The following FSTL5 variants were observed in gnomAD, a reference collection of about 807,000 sequenced individuals.
The protein encoded by FSTL5 is follistatin-related protein 5.
A neutral mutation model predicts 89.1 loss-of-function variants in FSTL5; 62 were observed. That is an observed-to-expected ratio of 0.70 (90% CI 0.57 to 0.86). FSTL5 has a LOEUF of 0.86. FSTL5 is among the 40% of genes least tolerant of loss of function. The pLI is 0.00. For synonymous variants in FSTL5, 383 were observed against 346.2 expected (o/e 1.11, Z -1.18); for missense variants, 1,057 against 1,001.6 (o/e 1.06, Z -0.75).
intron 6 of FSTL5, 92 bp from the exon 7 acceptor site, chr4:161,656,586 T>C: frequency 1.5e-6 from 1 of 682,444 alleles, no homozygotes; most frequent in East Asian, 3.2e-5. Flanking sequence ...TTAAGGCTTT[T>C]AATTTGAATA....
At position 161,386,156 on chromosome 4, in the gene FSTL5, A is replaced by G; in HGVS notation, c.2135T>C (p.Val712Ala). 2 of 1,614,018 alleles carry G rather than the reference A, an allele frequency of 1.2e-6. No individual in the cohort carries two copies. Among genetic ancestry groups the G allele is most frequent in the Non-Finnish European group, 1.7e-6 (2 of 1,179,984 alleles). The change falls in exon 16 of 16, where the codon GTG becomes GCG. Residue 712 changes from valine to alanine, a missense_variant. Val to Ala is a moderately conservative substitution (Grantham distance 64). Around this residue, in one of 3 missense-constraint regions of FSTL5, gnomAD observed 980 missense variants for 903.2 expected, o/e 1.08. Coordinates refer to ENST00000306100, the MANE Select transcript of FSTL5 (RefSeq NM_020116.5). ...GTACTGAACCCTTACAAGACCTTTC[A>G]CATCATTAATGCTGACAAGGTAGTG... ...DGHYLVSIND[V>A]KGLVRVQYIT...
chr4:161,736,054 A>G (rs982038216), intron 6 of FSTL5, among the ~76,000 whole-genome samples: 1 of 152,146 alleles, frequency 6.6e-6, no homozygotes, highest in Non-Finnish European at 1.5e-5. Context: ...AATTTCTGCA[A>G]TTGTTAAAGT....
chr4:161,848,280 C>A (rs1262578001), intron 4 of FSTL5, among the ~76,000 whole-genome samples: 2 of 151,908 alleles, frequency 1.3e-5, no homozygotes, highest in African/African-American at 4.8e-5. Context: ...GGATCATCAG[C>A]CTTATAACTT....
In FSTL5 at chr4:162,044,455, GCA is replaced by G. The variant is rs1451790216; in HGVS notation, c.127-10799_127-10798del. On this transcript the variant is annotated intron_variant, in intron 2 of 15. Transcript: ENST00000306100. Reference sequence around the variant, plus strand: ...CAGGCTTTCTTCTTTCGTTTATAGAGCACAGAGTGATTTAGCATAATTCTTAA... The same window carrying G: ...CAGGCTTTCTTCTTTCGTTTATAGAGCAGAGTGATTTAGCATAATTCTTAA... 3.3e-5 allele frequency among the ~76,000 whole-genome samples: 5 copies of G among 152,156 alleles called. No individual in the cohort carries two copies. The East Asian group carries it at 9.6e-4, about 29-fold the overall frequency.
chr4:161,488,237 A>G (rs1729746959), intron 12 of FSTL5, among the ~76,000 whole-genome samples: 1 of 152,134 alleles, frequency 6.6e-6, no homozygotes, highest in African/African-American at 2.4e-5. Flanking sequence ...GATTTCATTT[A>G]TAAATATCAT....
chr4:161,391,464 CTTCCATTATGTTATAGCTGACACAGTA>C (rs1270773660), intron 15 of FSTL5, among the ~76,000 whole-genome samples: 1 of 152,166 alleles, frequency 6.6e-6, no homozygotes, highest in Non-Finnish European at 1.5e-5. Flanking sequence ...TCAATGACAT[CTTCCATTATGTTATAGCTGACACAGTA>C]TTTTCATGGA....
intron 4 of FSTL5, among the ~76,000 whole-genome samples, chr4:161,861,030 T>TTTACATATC (rs1300164459): frequency 6.6e-6 from 1 of 152,188 alleles, no homozygotes; most frequent in Non-Finnish European, 1.5e-5. Flanking sequence ...TAAAACATAA[T>TTTACATATC]TTACATATCT....
intron 3 of FSTL5, among the ~76,000 whole-genome samples, chr4:162,028,471 C>G (rs762973707): frequency 1.3e-5 from 2 of 152,022 alleles, no homozygotes; most frequent in Non-Finnish European, 2.9e-5. Flanking sequence ...CAGCTACTCA[C>G]AAGACTGAGG....
Position 161,920,479 on chromosome 4 carries a change from A to G in FSTL5, c.334T>C (p.Cys112Arg), listed in dbSNP as rs1195621155. The change falls in exon 4 of 16, where the codon TGT becomes CGT. Residue 112 changes from cysteine (C) to arginine (R), a missense_variant. Around this residue, in one of 3 missense-constraint regions of FSTL5, gnomAD observed 980 missense variants for 903.2 expected, o/e 1.08. Transcript: ENST00000306100. Reference sequence around the variant, plus strand: ...AGGCAAGCAGCTCTGTGCACTTCACAGTGGTTTTCATAGAATTCTCCGTCA... The same window carrying G: ...AGGCAAGCAGCTCTGTGCACTTCACGGTGGTTTTCATAGAATTCTCCGTCA... ...GSDGEFYENHCEVHRAACLKK... is the reference protein window; with the variant it reads ...GSDGEFYENHREVHRAACLKK... The G allele has an allele frequency of 6.2e-7, 1 of 1,613,150 alleles. No homozygotes were observed. Among genetic ancestry groups the G allele is most frequent in the Non-Finnish European group, 8.5e-7 (1 of 1,179,732 alleles).
intron 1 of FSTL5, among the ~76,000 whole-genome samples, chr4:162,125,129 G>A (rs894771796): frequency 5.3e-5 from 8 of 152,260 alleles, no homozygotes; most frequent in East Asian, 1.9e-4. Context: ...AAGTAGGGCC[G>A]TTAGCCCAGG....
rs1465150781 is a variant in FSTL5 at position 161,923,649 on chromosome 4, C to T, written c.161-2997G>A. Among the ~76,000 whole-genome samples, 5 of 151,504 alleles carry T rather than the reference C, an allele frequency of 3.3e-5. No homozygotes were observed. In the East Asian group the frequency reaches 9.7e-4, roughly 29 times the overall value. On this transcript the variant is annotated intron_variant, in intron 3 of 15. Coordinates refer to ENST00000306100, the MANE Select transcript of FSTL5 (RefSeq NM_020116.5). ...ATGTTTTAAGAGTCTGATCATTTTA[C>T]ATTTTAGTCACAAATTGAGGTAGCT...
intron 3 of FSTL5, among the ~76,000 whole-genome samples, chr4:161,928,284 C>T (rs1483524041): frequency 1.3e-5 from 2 of 151,734 alleles, no homozygotes; most frequent in Non-Finnish European, 2.9e-5. Context: ...TATGGATTAC[C>T]ATGGTTTATT....
chr4:161,930,686 C>T (rs149662318), intron 3 of FSTL5, among the ~76,000 whole-genome samples: 15 of 151,904 alleles, frequency 9.9e-5, no homozygotes, highest in African/African-American at 2.2e-4. Context: ...GGATGCAAAG[C>T]GCTCTATCTA....
At chr4:161,757,242 A>G (rs141950350) in intron 6 of FSTL5, among the ~76,000 whole-genome samples, 23 of 152,266 alleles carry the variant, frequency 1.5e-4, no homozygotes, top group African/African-American at 5.5e-4. Context: ...CACCACCTTC[A>G]TAAGGTATCC....
Position 162,040,064 on chromosome 4 carries a change from A to G in FSTL5, c.127-6406T>C, listed in dbSNP as rs148834003. The stretch of plus-strand genomic sequence containing the variant: ...TTGTGGGAAATATACATAGAGGTAA[A>G]CCTTACTAATTTTAGCAGGCTGACT... On this transcript the variant is annotated intron_variant, in intron 2 of 15. Coordinates refer to ENST00000306100, the MANE Select transcript of FSTL5 (RefSeq NM_020116.5). 9.8e-3 allele frequency among the ~76,000 whole-genome samples: 1,494 copies of G among 152,110 alleles called. 19 individuals are homozygous for G. Among genetic ancestry groups the G allele is most frequent in the African/African-American group, 0.034 (1,393 of 41,520 alleles).
intron 4 of FSTL5, among the ~76,000 whole-genome samples, chr4:161,822,704 G>C (rs1313407933): frequency 3.9e-5 from 6 of 152,192 alleles, no homozygotes; most frequent in Non-Finnish European, 8.8e-5. Context: ...ATGGTGAGCG[G>C]GGGGGCATGT....
chr4:161,806,174 T>C (rs1183003021), intron 4 of FSTL5, among the ~76,000 whole-genome samples: 1 of 152,106 alleles, frequency 6.6e-6, no homozygotes, highest in East Asian at 1.9e-4. Context: ...AACTTAGTCT[T>C]AAAAAATGAG....
At chr4:161,635,819 T>A (rs1735668024) in intron 7 of FSTL5, among the ~76,000 whole-genome samples, 1 of 152,166 alleles carries the variant, frequency 6.6e-6, no homozygotes, top group Non-Finnish European at 1.5e-5. Flanking sequence ...TTGGCTATAA[T>A]TTGAGAACAT....
At chr4:161,731,627 A>G (rs2126762714) in intron 6 of FSTL5, among the ~76,000 whole-genome samples, 1 of 152,084 alleles carries the variant, frequency 6.6e-6, no homozygotes, top group Non-Finnish European at 1.5e-5. Flanking sequence ...TTTTCTTCAT[A>G]AATGACCCAG....
Sources: allele counts gnomAD v4.1 joint callset (sites outside exome capture counted in the v4.1 genomes callset), GRCh38; gene constraint gnomAD v4.1.1; regional missense constraint gnomAD v4.1.1; transcripts MANE v1.5; gene names NCBI Gene and HGNC (gene_info 2026-07-23, HGNC 2026-07-21).